Variants in CPEB1 observed in about 807,000 individuals in gnomAD.
CPEB1 encodes cytoplasmic polyadenylation element-binding protein 1.
In CPEB1, 7 loss-of-function variants were observed where a neutral mutation model predicts 65.8. That is an observed-to-expected ratio of 0.11 (90% CI 0.06 to 0.20). The LOEUF is 0.20. Among genes scored for constraint, CPEB1 ranks in the 10% least tolerant of loss-of-function variants. The probability of loss-of-function intolerance (pLI) is 1.00; values close to 1 mark genes in which losing one functional copy is unlikely to be tolerated. For synonymous variants in CPEB1, 262 were observed against 260.0 expected, an observed-to-expected ratio of 1.01 and a Z score of -0.08; for missense variants, 551 against 712.2, an observed-to-expected ratio of 0.77 and a Z score of 2.58.
chr15:82,647,961 G>C (rs1166715765), upstream of CPEB1: 3 of 1,053,924 alleles, frequency 2.8e-6, no homozygotes, highest in Non-Finnish European at 3.6e-6. Flanking sequence ...TTTTGCAGCG[G>C]GCCGCGCGCA....
intron 10 of CPEB1, chr15:82,548,723 G>A (rs190548962): frequency 1.1e-4 from 48 of 455,592 alleles, no homozygotes; most frequent in African/African-American, 8.2e-4. Context: ...TTCCTCCTCC[G>A]CTCCTGGGGC....
upstream of CPEB1, chr15:82,648,078 G>T (rs587634639): frequency 1.5e-4 from 56 of 372,246 alleles, no homozygotes; most frequent in African/African-American, 1.1e-3. Context: ...CCTCGCCTCC[G>T]CCCCCTCGCG....
At chr15:82,617,238 T>G (rs1331344516) in intron 3 of CPEB1, among the ~76,000 whole-genome samples, 1 of 152,242 alleles carries the variant, frequency 6.6e-6, no homozygotes, top group Non-Finnish European at 1.5e-5. Context: ...GTAGCAACAA[T>G]AGTTTATTCC....
At chr15:82,613,597 G>A (rs1263175742) in intron 3 of CPEB1, among the ~76,000 whole-genome samples, 1 of 152,016 alleles carries the variant, frequency 6.6e-6, no homozygotes, top group Non-Finnish European at 1.5e-5. Context: ...GCCCAGGCTG[G>A]TCTCTAACCA....
intron 3 of CPEB1, among the ~76,000 whole-genome samples, chr15:82,612,857 C>CA (rs1555459425): frequency 1.3e-5 from 2 of 151,678 alleles, no homozygotes; most frequent in Non-Finnish European, 2.9e-5. Flanking sequence ...AACAAACAAA[C>CA]AAACAAACAA....
At chr15:82,618,167 G>C (rs1009421358) in intron 3 of CPEB1, among the ~76,000 whole-genome samples, 1 of 151,572 alleles carries the variant, frequency 6.6e-6, no homozygotes, top group Non-Finnish European at 1.5e-5. Context: ...CTGCCAAACT[G>C]TTTTCCAAAT....
At chr15:82,569,965 A>C (rs189255242) in intron 4 of CPEB1, among the ~76,000 whole-genome samples, 1 of 152,272 alleles carries the variant, frequency 6.6e-6, no homozygotes, top group East Asian at 1.9e-4. Flanking sequence ...ATAGAATACC[A>C]AACAGTGATA....
rs2034663078 is a variant in CPEB1, at chr15:82,543,549, C to T, written c.*1043G>A. ...TTTCAGTCAACTGCAACTGTTATCT[C>T]ATACATTCCTCAAATTAAAGATATA... is the stretch of plus-strand genomic sequence containing the variant. On this transcript the variant is annotated 3_prime_UTR_variant, in exon 13 of 13. Transcript: ENST00000684509. 6.7e-6 allele frequency: 1 copy of T among 149,306 alleles called. No individual in the cohort carries two copies. The highest frequency in any genetic ancestry group is 1.5e-5 in the Non-Finnish European group (1 of 67,756). 9.2% of individuals were successfully genotyped at this position (149,306 alleles called of 1,614,324 possible). A position where few individuals can be genotyped will look rare whatever the true frequency, so the allele number is the denominator to read the frequency against.
At chr15:82,647,882 G>C (rs587625528), upstream of CPEB1, 24 of 1,247,452 alleles carry the variant, frequency 1.9e-5, no homozygotes, top group African/African-American at 3.4e-4. Flanking sequence ...GGGCCGGTGT[G>C]GCCCTGCGGG....
intron 3 of CPEB1, chr15:82,571,957 T>A: frequency 1.5e-6 from 1 of 688,020 alleles, no homozygotes; most frequent in Non-Finnish European, 1.8e-6. Context: ...GCAGTGCCGT[T>A]AAGTCTGGGT....
At chr15:82,613,616 T>A (rs1244934971) in intron 3 of CPEB1, among the ~76,000 whole-genome samples, 1 of 152,058 alleles carries the variant, frequency 6.6e-6, no homozygotes, top group East Asian at 1.9e-4. Flanking sequence ...CACCTCAACC[T>A]CCCCAAGTGC....
chr15:82,576,983 C>A (rs1423890793), intron 3 of CPEB1, among the ~76,000 whole-genome samples: 1 of 152,102 alleles, frequency 6.6e-6, no homozygotes, highest in African/African-American at 2.4e-5. Flanking sequence ...TGAGACCACG[C>A]CACTGCACTC....
chr15:82,631,568 T>G (rs770823395), intron 1 of CPEB1, among the ~76,000 whole-genome samples: 1 of 152,176 alleles, frequency 6.6e-6, no homozygotes, highest in Non-Finnish European at 1.5e-5. Flanking sequence ...GCCTGACATG[T>G]AATTATGTGC....
At position 82,639,849 on chromosome 15, in the gene CPEB1, A is replaced by ACTCTCT. The variant is rs112948983; in HGVS notation, c.-98+7282_-98+7287dup. Among the ~76,000 whole-genome samples, 233 of 145,962 alleles carry ACTCTCT rather than the reference A, an allele frequency of 1.6e-3. 2 individuals carry two copies. Among genetic ancestry groups the ACTCTCT allele is most frequent in the East Asian group, 1.8e-3 (9 of 4,978 alleles). The stretch of plus-strand genomic sequence containing the variant: ...AGTCCTCAGACACACACGCGCAAAC[A>ACTCTCT]CTCTCTCTCTCTCTCTCTCTCTGGG... On this transcript the variant is annotated intron_variant, in intron 1 of 12. Transcript: ENST00000684509.
Position 82,553,541 on chromosome 15 carries a change from G to C in CPEB1, c.1070C>G (p.Thr357Ser), listed in dbSNP as rs1378813542. Residue 357 changes from threonine (T) to serine (S), a missense_variant, in exon 8 of 13, where the codon ACC becomes AGC. Physicochemically the swap from Thr to Ser is moderately conservative, Grantham distance 58. Transcript: ENST00000684509. ...WDITEAGLVN[T>S]FRVFGSLSVE... Reference sequence around the variant, plus strand: ...ACTCAAAGAGCCAAAAACACGGAAGGTGTTAACTAATCCAGCTGCAAAGAG... The same window carrying C: ...ACTCAAAGAGCCAAAAACACGGAAGCTGTTAACTAATCCAGCTGCAAAGAG... The C allele has an allele frequency of 1.9e-6, 3 of 1,612,614 alleles. No homozygotes were observed. Among genetic ancestry groups the C allele is most frequent in the South Asian group, 1.1e-5 (1 of 90,840 alleles).
intron 1 of CPEB1, among the ~76,000 whole-genome samples, chr15:82,640,380 T>C (rs944071994): frequency 2.0e-5 from 3 of 152,156 alleles, no homozygotes; most frequent in African/African-American, 7.2e-5. Context: ...CTCTTGCACA[T>C]AGGAACACAA....
chr15:82,571,522 G>T lies in CPEB1; in HGVS notation c.282C>A (p.Asp94Glu). Residue 94 changes from aspartate (D) to glutamate (E), a missense_variant, in exon 4 of 13, where the codon GAC becomes GAA. Physicochemically the swap from Asp to Glu is conservative, Grantham distance 45 (BLOSUM62 2). Coordinates refer to ENST00000684509, the MANE Select transcript of CPEB1 (RefSeq NM_001365242.1). ...GIHDHLPDFQ[D>E]SEETVTSRML... ...TCCTGCTTGTAACTGTTTCTTCAGA[G>T]TCCTGGAAGTCTGTTTTGGAAAGGA... The T allele has an allele frequency of 6.2e-7, 1 of 1,613,620 alleles. No individual in the cohort carries two copies. The highest frequency in any genetic ancestry group is 8.5e-7 in the Non-Finnish European group (1 of 1,179,678).
At chr15:82,596,385 A>G (rs181210509) in intron 3 of CPEB1, among the ~76,000 whole-genome samples, 1 of 152,316 alleles carries the variant, frequency 6.6e-6, no homozygotes, top group East Asian at 1.9e-4. Flanking sequence ...CAATTTGGAA[A>G]ACATATGTAC....
At chr15:82,628,084 T>A in intron 2 of CPEB1, 2 of 640,372 alleles carry the variant, frequency 3.1e-6, no homozygotes, top group Non-Finnish European at 5.5e-6. Context: ...TTGTTAATGC[T>A]GTGGAAGAGA....
Sources: gnomAD v4.1 joint callset for allele counts (sites outside exome capture counted in the v4.1 genomes callset) on GRCh38, gnomAD v4.1.1 for gene constraint, MANE v1.5 for transcripts, NCBI Gene and HGNC (gene_info 2026-07-23, HGNC 2026-07-21) for gene names.